DIAPH3: variants seen among roughly 807,000 people sequenced by gnomAD.
DIAPH3 encodes the protein protein diaphanous homolog 3.
DIAPH3 carries 117 observed loss-of-function variants against 144.3 expected under a neutral mutation model. The ratio of observed to expected loss-of-function variants is 0.81; its 90% confidence interval spans 0.70 to 0.95. The LOEUF is 0.95. Ranked by LOEUF, DIAPH3 falls within the 40% of genes least tolerant of loss-of-function variation. The pLI, the probability that DIAPH3 is intolerant of heterozygous loss-of-function variation, is 0.00. For missense variants in DIAPH3, 1,421 were observed against 1,412.7 expected, an observed-to-expected ratio of 1.01 and a Z score of -0.09; for synonymous variants, 519 against 488.9, an observed-to-expected ratio of 1.06 and a Z score of -0.81.
chr13:59,742,681 GAAGGAAGA>G (rs1274044366), intron 27 of DIAPH3, among the ~76,000 whole-genome samples: 1 of 150,996 alleles, frequency 6.6e-6, no homozygotes, highest in East Asian at 1.9e-4. Context: ...AGGAAGAAAG[GAAGGAAGA>G]AAGGGAGAAA....
intron 22 of DIAPH3, among the ~76,000 whole-genome samples, chr13:59,850,871 G>C (rs1207608609): frequency 6.8e-6 from 1 of 147,660 alleles, no homozygotes; most frequent in Non-Finnish European, 1.5e-5. Flanking sequence ...AGCTGAAATT[G>C]GGGCAATAAT....
chr13:59,691,401 A>C (rs2138687348), intron 27 of DIAPH3, among the ~76,000 whole-genome samples: 1 of 152,292 alleles, frequency 6.6e-6, no homozygotes, highest in East Asian at 1.9e-4. Flanking sequence ...AAGATTATAA[A>C]AGCTTACTTA....
chr13:60,108,613 A>T (rs2058484820), intron 3 of DIAPH3, among the ~76,000 whole-genome samples: 2 of 152,170 alleles, frequency 1.3e-5, no homozygotes, highest in African/African-American at 4.8e-5. Flanking sequence ...CTCGAAAAAA[A>T]AATAAAAATT....
At chr13:60,037,584 GAAATT>G in intron 5 of DIAPH3, among the ~76,000 whole-genome samples, 1 of 151,730 alleles carries the variant, frequency 6.6e-6, no homozygotes, top group Non-Finnish European at 1.5e-5. Context: ...AATAAAATAA[GAAATT>G]AAATATCAAT....
intron 4 of DIAPH3, among the ~76,000 whole-genome samples, chr13:60,068,491 T>G (rs2057063390): frequency 6.6e-6 from 1 of 151,558 alleles, no homozygotes; most frequent in African/African-American, 2.4e-5. Context: ...TTTCTTTGTC[T>G]TTTTTTTTAT....
At chr13:59,999,873 T>C (rs1237058690) in intron 9 of DIAPH3, among the ~76,000 whole-genome samples, 1 of 152,194 alleles carries the variant, frequency 6.6e-6, no homozygotes, top group Non-Finnish European at 1.5e-5. Context: ...CTCTTGCTTC[T>C]CATAGAACCA....
chr13:59,766,248 A>G (rs1252021847), intron 27 of DIAPH3, among the ~76,000 whole-genome samples: 1 of 152,082 alleles, frequency 6.6e-6, no homozygotes, highest in African/African-American at 2.4e-5. Context: ...CACCTTGGCT[A>G]CTTTTCTTAC....
chr13:60,145,643 C>T lies in DIAPH3; in HGVS notation c.181-12654G>A, dbSNP rs181166256. Among the ~76,000 whole-genome samples, 247 of 152,238 alleles carry T rather than the reference C, an allele frequency of 1.6e-3. 1 individual carries two copies. Among genetic ancestry groups the T allele is most frequent in the Middle Eastern group, 6.8e-3 (2 of 294 alleles). ...CAGCCTGGGTGACAGAGCGAGACTC[C>T]GTCTCAAAAAACAAAACCTCAAAGA... On this transcript the variant is annotated intron_variant, in intron 1 of 27. Transcript: ENST00000400324.
At chr13:59,839,288 C>A in intron 23 of DIAPH3, 36 bp downstream of exon 23, 2 of 1,610,078 alleles carry the variant, frequency 1.2e-6, no homozygotes, top group Non-Finnish European at 1.7e-6. Context: ...CTCTAGTTGA[C>A]TAGTGACTTA....
At chr13:59,717,436 C>T (rs1351069532) in intron 27 of DIAPH3, among the ~76,000 whole-genome samples, 4 of 152,090 alleles carry the variant, frequency 2.6e-5, no homozygotes, top group Non-Finnish European at 5.9e-5. Context: ...GTCTCTGTTG[C>T]TTCCTCTACT....
At chr13:59,718,809 A>C (rs1477161287) in intron 27 of DIAPH3, among the ~76,000 whole-genome samples, 1 of 152,164 alleles carries the variant, frequency 6.6e-6, no homozygotes, top group Non-Finnish European at 1.5e-5. Context: ...CTGGTTTTCA[A>C]TCATCACAAA....
At chr13:60,022,405 C>T (rs1183693307) in intron 5 of DIAPH3, among the ~76,000 whole-genome samples, 1 of 151,260 alleles carries the variant, frequency 6.6e-6, no homozygotes, top group Non-Finnish European at 1.5e-5. Flanking sequence ...GATCTCTTTA[C>T]CAAGTTAAGA....
At chr13:59,760,707 A>C (rs2037533461) in intron 27 of DIAPH3, among the ~76,000 whole-genome samples, 2 of 152,192 alleles carry the variant, frequency 1.3e-5, no homozygotes, top group Admixed American at 1.3e-4. Context: ...AAATGTTGTC[A>C]GACTTTTTTA....
chr13:60,016,222 T>A, intron 5 of DIAPH3, 77 bp from the exon 6 acceptor site: 1 of 1,280,512 alleles, frequency 7.8e-7, no homozygotes, highest in Non-Finnish European at 1.1e-6. Context: ...CTACAAGTAT[T>A]TTATATTTGC....
chr13:59,788,087 A>T (rs1430141212), intron 25 of DIAPH3, among the ~76,000 whole-genome samples: 2 of 152,208 alleles, frequency 1.3e-5, no homozygotes, highest in Non-Finnish European at 2.9e-5. Context: ...AAGACACCAT[A>T]ACAAAAATAA....
intron 27 of DIAPH3, among the ~76,000 whole-genome samples, chr13:59,718,138 A>G (rs2138882587): frequency 1.3e-5 from 2 of 152,228 alleles, no homozygotes; most frequent in South Asian, 4.1e-4. Flanking sequence ...GTGAGGAAAA[A>G]CAGTCTTAAA....
intron 25 of DIAPH3, among the ~76,000 whole-genome samples, chr13:59,775,179 ATTT>A: frequency 6.6e-6 from 1 of 152,124 alleles, no homozygotes; most frequent in Non-Finnish European, 1.5e-5. Flanking sequence ...GAGATGAGCT[ATTT>A]TCAAGGCATC....
At chr13:59,689,715 T>C (rs892517927) in intron 27 of DIAPH3, among the ~76,000 whole-genome samples, 1 of 151,770 alleles carries the variant, frequency 6.6e-6, no homozygotes, top group Admixed American at 6.6e-5. Flanking sequence ...GTGGAAAGAT[T>C]TGGCAGATGT....
At chr13:59,998,994 C>T (rs553064726) in intron 9 of DIAPH3, among the ~76,000 whole-genome samples, 4 of 152,046 alleles carry the variant, frequency 2.6e-5, no homozygotes, top group African/African-American at 9.6e-5. Context: ...AGAAGAGACA[C>T]TTAAAACAAA....
Sources: allele counts gnomAD v4.1 joint callset (sites outside exome capture counted in the v4.1 genomes callset), GRCh38; gene constraint gnomAD v4.1.1; transcripts MANE v1.5; gene names NCBI Gene and HGNC (gene_info 2026-07-23, HGNC 2026-07-21).